The following KLF12 variants were observed in gnomAD, a reference collection of about 807,000 sequenced individuals.
KLF12 encodes the protein KLF transcription factor 12.
In KLF12, 9 loss-of-function variants were observed where a neutral mutation model predicts 37.8. That is an observed-to-expected ratio of 0.24 (90% confidence interval 0.14 to 0.42). The LOEUF is 0.42. KLF12 is among the 10% of genes least tolerant of loss of function. The pLI is 1.00. For synonymous variants in KLF12, 208 were observed against 202.1 expected (o/e 1.03, Z -0.25); for missense variants, 411 against 516.0 (o/e 0.80, Z 1.97).
chr13:73,958,201 C>T (rs1326487985), intron 2 of KLF12, among the ~76,000 whole-genome samples: 1 of 151,920 alleles, frequency 6.6e-6, no homozygotes, highest in African/African-American at 2.4e-5. Context: ...GAATTAATTA[C>T]ATGTTGAATG....
chr13:74,261,361 C>G, the KLF12 span, among the ~76,000 whole-genome samples: 23 of 151,978 alleles, frequency 1.5e-4, no homozygotes, highest in Non-Finnish European at 3.2e-4. Flanking sequence ...ATAATATATA[C>G]GCAGAATTTT....
At chr13:73,719,982 T>C (rs565983044) in intron 6 of KLF12, among the ~76,000 whole-genome samples, 1 of 152,242 alleles carries the variant, frequency 6.6e-6, no homozygotes, top group African/African-American at 2.4e-5. Context: ...TAGATATAAA[T>C]GTCTCAATTA....
chr13:74,210,517 CTCAG>C, the KLF12 span, among the ~76,000 whole-genome samples: 11 of 152,200 alleles, frequency 7.2e-5, no homozygotes, highest in Non-Finnish European at 1.0e-4. Context: ...AGCCCAATTT[CTCAG>C]TCAAACTGTT....
chr13:74,028,339 T>A (rs1049088802), intron 1 of KLF12, among the ~76,000 whole-genome samples: 2 of 152,220 alleles, frequency 1.3e-5, no homozygotes, highest in Non-Finnish European at 2.9e-5. Flanking sequence ...GCTGCTATTA[T>A]AAACTACATT....
At chr13:73,843,978 T>C (rs984928758) in intron 4 of KLF12, among the ~76,000 whole-genome samples, 1 of 152,146 alleles carries the variant, frequency 6.6e-6, no homozygotes, top group African/African-American at 2.4e-5. Context: ...ACTTTATATA[T>C]ACTTTCAAAA....
chr13:74,087,786 C>T (rs1346025980), intron 1 of KLF12, among the ~76,000 whole-genome samples: 2 of 151,648 alleles, frequency 1.3e-5, no homozygotes, highest in Non-Finnish European at 2.9e-5. Context: ...GTATAATATA[C>T]TATTATCTGT....
the KLF12 span, among the ~76,000 whole-genome samples, chr13:74,181,122 C>A: frequency 2.6e-5 from 4 of 151,914 alleles, no homozygotes; most frequent in Non-Finnish European, 4.4e-5. Context: ...CCTCAGCCTC[C>A]CGAGTAGCTG....
intron 1 of KLF12, among the ~76,000 whole-genome samples, chr13:74,041,691 TAC>T (rs59315484): frequency 0.25 from 34,984 of 142,012 alleles, 4,180 homozygotes; most frequent in Middle Eastern, 0.28. Flanking sequence ...ATCGCTGATT[TAC>T]ACACACACAC....
chr13:74,304,066 C>T, the KLF12 span, among the ~76,000 whole-genome samples: 2 of 152,112 alleles, frequency 1.3e-5, no homozygotes, highest in African/African-American at 2.4e-5. Context: ...GGGTGCATAA[C>T]TCCATGCTGA....
intron 1 of KLF12, among the ~76,000 whole-genome samples, chr13:74,007,851 C>T (rs1271678194): frequency 1.3e-5 from 2 of 150,468 alleles, no homozygotes; most frequent in South Asian, 4.2e-4. Context: ...CAATGAAATG[C>T]TATAAAACAA....
At chr13:74,231,317 G>A in the KLF12 span, 2 of 152,130 alleles carry the variant, frequency 1.3e-5, no homozygotes, top group African/African-American at 4.8e-5. Context: ...GAGAAATATG[G>A]TAATCACTTA....
At chr13:73,807,243 A>G (rs558644523) in intron 5 of KLF12, among the ~76,000 whole-genome samples, 1 of 151,922 alleles carries the variant, frequency 6.6e-6, no homozygotes, top group East Asian at 1.9e-4. Context: ...CAGGAGGTGG[A>G]GGTTGCAGTG....
At chr13:74,196,757 G>T in the KLF12 span, among the ~76,000 whole-genome samples, 1 of 152,062 alleles carries the variant, frequency 6.6e-6, no homozygotes, top group Admixed American at 6.6e-5. Context: ...TTCTCTTCAA[G>T]TTATACAATG....
chr13:74,265,664 T>A, the KLF12 span, among the ~76,000 whole-genome samples: 2 of 152,322 alleles, frequency 1.3e-5, no homozygotes, highest in African/African-American at 4.8e-5. Flanking sequence ...CAAGCCCATC[T>A]CACTGTAGGC....
chr13:73,806,593 T>C (rs1239993410), intron 5 of KLF12, among the ~76,000 whole-genome samples: 2 of 149,434 alleles, frequency 1.3e-5, no homozygotes, highest in Non-Finnish European at 3.0e-5. Flanking sequence ...CATAAAGGAA[T>C]GTAGGTTTGC....
chr13:73,881,721 T>G (rs145216837), intron 3 of KLF12, among the ~76,000 whole-genome samples: 1 of 152,168 alleles, frequency 6.6e-6, no homozygotes, highest in African/African-American at 2.4e-5. Flanking sequence ...ACCCGCTGTA[T>G]GCAAAGCCTA....
At chr13:74,300,498 G>A in the KLF12 span, among the ~76,000 whole-genome samples, 8 of 152,096 alleles carry the variant, frequency 5.3e-5, no homozygotes, top group African/African-American at 1.7e-4. Context: ...AGGGGTGGGT[G>A]GATGGACTTG....
intron 1 of KLF12, among the ~76,000 whole-genome samples, chr13:74,120,613 G>A (rs897493747): frequency 6.6e-6 from 1 of 151,862 alleles, no homozygotes; most frequent in Non-Finnish European, 1.5e-5. Flanking sequence ...ATATGAGCAA[G>A]AATTTTAAAA....
intron 1 of KLF12, among the ~76,000 whole-genome samples, chr13:74,123,972 T>C (rs7334403): frequency 0.19 from 28,948 of 152,128 alleles, 3,630 homozygotes; most frequent in African/African-American, 0.36. Context: ...TGAAACTAAA[T>C]CCACTCTAAA....
Sources: gnomAD v4.1 joint callset for allele counts (sites outside exome capture counted in the v4.1 genomes callset) on GRCh38, gnomAD v4.1.1 for gene constraint, MANE v1.5 for transcripts, NCBI Gene and HGNC (gene_info 2026-07-23, HGNC 2026-07-21) for gene names.